EXT1: variants seen among roughly 807,000 people sequenced by gnomAD.
EXT1 encodes exostosin-1.
EXT1 carries 20 observed loss-of-function variants against 82.5 expected under a neutral mutation model. The ratio of observed to expected loss-of-function variants is 0.24; its 90% CI spans 0.17 to 0.35. The LOEUF (loss-of-function observed/expected upper bound fraction) is 0.35, where lower values mean the gene tolerates loss of function less well. Ranked by LOEUF, EXT1 falls within the 10% of genes least tolerant of loss-of-function variation. The pLI is 1.00. For synonymous variants in EXT1, 348 were observed against 350.8 expected (o/e 0.99, Z 0.09); for missense variants, 757 against 936.5 (o/e 0.81, Z 2.50).
rs535717484 is a variant in EXT1 at position 117,798,692 on chromosome 8, T to C, written c.*1020A>G. The C allele has an allele frequency of 6.6e-6, 1 of 152,220 alleles. No individual in the cohort carries two copies. Among genetic ancestry groups the C allele is most frequent in the South Asian group, 2.1e-4 (1 of 4,832 alleles). The allele number at this position is 152,220 out of a possible 1,614,324, so 9.4% of individuals were successfully genotyped here. A position where few individuals can be genotyped will look rare whatever the true frequency, so the allele number is the denominator to read the frequency against. ...TTGTTCATTGGTGTGAATTTCTACC[T>C]TATTACCCCTTTTTCTTTCTCAAAA... On this transcript the variant is annotated 3_prime_UTR_variant, in exon 11 of 11. Coordinates refer to ENST00000378204, the MANE Select transcript of EXT1 (RefSeq NM_000127.3).
intron 1 of EXT1, among the ~76,000 whole-genome samples, chr8:118,084,109 AAT>A (rs2129987101): frequency 1.3e-5 from 2 of 152,320 alleles, no homozygotes; most frequent in African/African-American, 4.8e-5. Context: ...CAAATGAGGT[AAT>A]ATACAAACCA....
At chr8:118,031,126 G>T (rs866649704) in intron 1 of EXT1, among the ~76,000 whole-genome samples, 15 of 152,248 alleles carry the variant, frequency 9.9e-5, no homozygotes, top group African/African-American at 3.4e-4. Context: ...GATGGGGTGT[G>T]GGGGGAACAG....
intron 9 of EXT1, 137 bp from the exon 10 acceptor site, chr8:117,805,030 G>T: frequency 1.3e-6 from 1 of 782,544 alleles, no homozygotes; most frequent in Non-Finnish European, 2.1e-6. Context: ...TGATGATGAT[G>T]ACGATAACTA....
intron 1 of EXT1, among the ~76,000 whole-genome samples, chr8:117,942,831 A>C (rs1236466833): frequency 6.6e-6 from 1 of 152,194 alleles, no homozygotes; most frequent in African/African-American, 2.4e-5. Flanking sequence ...TAACGCTATG[A>C]TCCTAATTCT....
chr8:117,873,089 A>C (rs1415603013), intron 1 of EXT1, among the ~76,000 whole-genome samples: 2 of 152,168 alleles, frequency 1.3e-5, no homozygotes, highest in South Asian at 2.1e-4. Flanking sequence ...TTTTTTATAA[A>C]AGAGACTGCA....
Position 117,847,091 on chromosome 8 carries a change from G to T in EXT1, c.963-9890C>A, listed in dbSNP as rs17503593. 5.8e-3 allele frequency among the ~76,000 whole-genome samples: 877 copies of T among 152,154 alleles called. 5 individuals carry two copies. Among genetic ancestry groups the T allele is most frequent in the African/African-American group, 0.019 (773 of 41,488 alleles). On this transcript the variant is annotated intron_variant, in intron 1 of 10. Transcript: ENST00000378204. ...CTGTTGACCCAACAACTACCTTAAG[G>T]GCCGGCCTACTGTAACTACTCAAAA...
At chr8:117,985,561 G>A (rs1490182295) in intron 1 of EXT1, among the ~76,000 whole-genome samples, 1 of 152,074 alleles carries the variant, frequency 6.6e-6, no homozygotes, top group Non-Finnish European at 1.5e-5. Flanking sequence ...GGTGCTCTAA[G>A]TAGAAGGAGA....
At chr8:117,899,890 A>T (rs543686220) in intron 1 of EXT1, among the ~76,000 whole-genome samples, 1 of 152,200 alleles carries the variant, frequency 6.6e-6, no homozygotes. Context: ...CCGTGTGCTC[A>T]TAAGAGTGGA....
chr8:117,943,686 T>G (rs898375682), intron 1 of EXT1, among the ~76,000 whole-genome samples: 1 of 152,188 alleles, frequency 6.6e-6, no homozygotes, highest in South Asian at 2.1e-4. Flanking sequence ...TATCAGTGAT[T>G]TTAAATTTTG....
intron 7 of EXT1, among the ~76,000 whole-genome samples, chr8:117,814,234 G>GGTGTGTGTGTGT (rs57727618): frequency 0.025 from 3,626 of 146,728 alleles, 49 homozygotes; most frequent in Middle Eastern, 0.039. Flanking sequence ...CACACACAGT[G>GGTGTGTGTGTGT]GTGTGTGTGT....
chr8:117,942,521 G>A (rs1814303853), intron 1 of EXT1, among the ~76,000 whole-genome samples: 1 of 152,108 alleles, frequency 6.6e-6, no homozygotes, highest in Non-Finnish European at 1.5e-5. Context: ...AGACCAGACT[G>A]ACCAACATGG....
intron 4 of EXT1, among the ~76,000 whole-genome samples, chr8:117,824,427 C>A (rs779913552): frequency 2.0e-5 from 3 of 152,184 alleles, no homozygotes; most frequent in Non-Finnish European, 4.4e-5. Context: ...TCCAACGGAT[C>A]TTGACAGAAA....
chr8:117,857,172 G>C (rs1435168803), intron 1 of EXT1, among the ~76,000 whole-genome samples: 1 of 152,162 alleles, frequency 6.6e-6, no homozygotes, highest in Non-Finnish European at 1.5e-5. Context: ...AAGTCACCTA[G>C]TTACCCAAGA....
At chr8:118,076,304 T>C (rs569269362) in intron 1 of EXT1, among the ~76,000 whole-genome samples, 1 of 152,370 alleles carries the variant, frequency 6.6e-6, no homozygotes, top group South Asian at 2.1e-4. Context: ...GTGTCAACAC[T>C]GGTGTTTAGA....
intron 1 of EXT1, among the ~76,000 whole-genome samples, chr8:118,032,897 C>T (rs1816353519): frequency 1.3e-5 from 2 of 152,096 alleles, no homozygotes; most frequent in Non-Finnish European, 2.9e-5. Flanking sequence ...AAAATTTTCT[C>T]CCAGGTGAAA....
intron 1 of EXT1, among the ~76,000 whole-genome samples, chr8:117,856,268 G>GC (rs547775981): frequency 0.1 from 13,076 of 129,664 alleles, 845 homozygotes; most frequent in African/African-American, 0.2. Flanking sequence ...TTTTTTTTTT[G>GC]TGGGGGGACG....
intron 1 of EXT1, among the ~76,000 whole-genome samples, chr8:118,018,612 T>C (rs1384127589): frequency 6.6e-6 from 1 of 152,188 alleles, no homozygotes; most frequent in Admixed American, 6.5e-5. Flanking sequence ...AATCTTTAAG[T>C]AAAAATCTGT....
intron 1 of EXT1, among the ~76,000 whole-genome samples, chr8:117,873,613 G>A (rs770823633): frequency 1.1e-4 from 16 of 152,024 alleles, no homozygotes; most frequent in Middle Eastern, 3.4e-3. Flanking sequence ...ATGCCACCAC[G>A]CCTGGCTAAT....
intron 1 of EXT1, among the ~76,000 whole-genome samples, chr8:118,026,681 T>C (rs560879971): frequency 8.5e-5 from 13 of 152,330 alleles, no homozygotes; most frequent in African/African-American, 3.1e-4. Context: ...TCAAGCCACT[T>C]GATGGTTTTT....
Sources: gnomAD v4.1 joint callset for allele counts (sites outside exome capture counted in the v4.1 genomes callset) on GRCh38, gnomAD v4.1.1 for gene constraint, MANE v1.5 for transcripts, NCBI Gene and HGNC (gene_info 2026-07-23, HGNC 2026-07-21) for gene names.